Variants in PVT1 observed in about 807,000 individuals in gnomAD.
PVT1 encodes the protein Pvt1 oncogene, also known as CXCR4/PVT1 fusion.
At chr8:127,833,982 A>G (rs965019438) in intron 2 of PVT1, among the ~76,000 whole-genome samples, 1 of 152,142 alleles carries the variant, frequency 6.6e-6, no homozygotes, top group Non-Finnish European at 1.5e-5. Context: ...CACAGGTGAC[A>G]CTGAAGTTGA....
intron 4 of PVT1, among the ~76,000 whole-genome samples, chr8:128,014,137 T>G (rs551479223): frequency 6.6e-6 from 1 of 152,342 alleles, no homozygotes; most frequent in East Asian, 1.9e-4. Flanking sequence ...CTCTGTTTCG[T>G]CAAGGTGAGG....
chr8:127,986,588 T>C (rs1187461638), intron 3 of PVT1, among the ~76,000 whole-genome samples: 1 of 152,186 alleles, frequency 6.6e-6, no homozygotes, highest in African/African-American at 2.4e-5. Flanking sequence ...TCACTCCCTG[T>C]TTCTCCCACC....
chr8:127,918,376 C>T (rs1324722044), intron 3 of PVT1, among the ~76,000 whole-genome samples: 4 of 152,180 alleles, frequency 2.6e-5, no homozygotes, highest in Admixed American at 6.5e-5. Context: ...AGCTCCTCCA[C>T]GGACTTGCTC....
At chr8:128,073,706 A>G (rs1814029196) in intron 5 of PVT1, among the ~76,000 whole-genome samples, 1 of 152,134 alleles carries the variant, frequency 6.6e-6, no homozygotes, top group Non-Finnish European at 1.5e-5. Context: ...TCACACAGGC[A>G]GTTGCAGATA....
At chr8:128,037,805 A>G (rs1813483182) in intron 4 of PVT1, among the ~76,000 whole-genome samples, 1 of 152,178 alleles carries the variant, frequency 6.6e-6, no homozygotes, top group African/African-American at 2.4e-5. Context: ...CATTTAGTTC[A>G]GTGCCTTTCC....
At chr8:127,893,810 C>T (rs2129810020) in intron 3 of PVT1, among the ~76,000 whole-genome samples, 1 of 152,242 alleles carries the variant, frequency 6.6e-6, no homozygotes, top group East Asian at 1.9e-4. Context: ...GTGAAAGGGG[C>T]ACTGTATCAC....
chr8:128,024,396 G>A (rs1056723111), intron 4 of PVT1, among the ~76,000 whole-genome samples: 2 of 152,190 alleles, frequency 1.3e-5, no homozygotes, highest in African/African-American at 4.8e-5. Flanking sequence ...GCCAAGGCAG[G>A]TGGATGGTTT....
intron 3 of PVT1, among the ~76,000 whole-genome samples, chr8:127,927,351 A>G (rs556849845): frequency 2.2e-4 from 34 of 152,290 alleles, no homozygotes; most frequent in African/African-American, 7.7e-4. Flanking sequence ...GATAGTTGTC[A>G]TCACCCATCC....
chr8:127,993,992 G>A (rs1353395301), intron 4 of PVT1, among the ~76,000 whole-genome samples: 1 of 152,186 alleles, frequency 6.6e-6, no homozygotes, highest in African/African-American at 2.4e-5. Context: ...TGGAGCAATT[G>A]CATTGCTTGA....
chr8:128,070,632 G>T (rs925270403), intron 5 of PVT1, among the ~76,000 whole-genome samples: 1 of 152,034 alleles, frequency 6.6e-6, no homozygotes, highest in African/African-American at 2.4e-5. Context: ...GAAGCATCAG[G>T]CAGGAAAAAA....
chr8:127,917,810 C>T (rs1363362908), intron 3 of PVT1, among the ~76,000 whole-genome samples: 3 of 152,224 alleles, frequency 2.0e-5, no homozygotes, highest in Admixed American at 6.5e-5. Context: ...CCTCTCTGTC[C>T]GGTTAGTCAG....
chr8:127,900,181 G>A (rs1815740869), intron 3 of PVT1, among the ~76,000 whole-genome samples: 1 of 151,900 alleles, frequency 6.6e-6, no homozygotes, highest in African/African-American at 2.4e-5. Context: ...AGCTGGGACT[G>A]CAGGCGCGTA....
chr8:127,814,171 T>TA (rs1278308290), intron 2 of PVT1, among the ~76,000 whole-genome samples: 1 of 152,198 alleles, frequency 6.6e-6, no homozygotes, highest in Non-Finnish European at 1.5e-5. Context: ...GACGTGAGAA[T>TA]AGAGAGATTT....
chr8:127,892,719 C>T (rs1194508184), intron 3 of PVT1, among the ~76,000 whole-genome samples: 1 of 152,074 alleles, frequency 6.6e-6, no homozygotes, highest in East Asian at 1.9e-4. Flanking sequence ...GCAGCAGGTG[C>T]TGGGCTGTGC....
At chr8:127,823,359 G>A (rs1005310757) in intron 2 of PVT1, among the ~76,000 whole-genome samples, 4 of 152,162 alleles carry the variant, frequency 2.6e-5, no homozygotes, top group African/African-American at 9.7e-5. Flanking sequence ...TGAAACTCCT[G>A]CTTTTGATAT....
intron 4 of PVT1, among the ~76,000 whole-genome samples, chr8:127,996,016 C>T (rs962490683): frequency 2.0e-5 from 3 of 152,080 alleles, no homozygotes; most frequent in African/African-American, 7.2e-5. Context: ...CAACATACCT[C>T]TTATTGCCAT....
intron 4 of PVT1, chr8:127,998,059 G>T (rs938485013): frequency 6.6e-6 from 1 of 152,242 alleles, no homozygotes; most frequent in Non-Finnish European, 1.5e-5. Flanking sequence ...TGAAATCAAG[G>T]GTAGGCACCA....
intron 2 of PVT1, among the ~76,000 whole-genome samples, chr8:127,869,337 C>T (rs1283750640): frequency 6.6e-6 from 1 of 151,868 alleles, no homozygotes; most frequent in Non-Finnish European, 1.5e-5. Context: ...CATCATGTTG[C>T]CCAGGCTGGT....
chr8:127,862,791 A>G (rs1815242231), intron 2 of PVT1, among the ~76,000 whole-genome samples: 2 of 152,102 alleles, frequency 1.3e-5, no homozygotes, highest in Admixed American at 1.3e-4. Flanking sequence ...CCAGCTTTTC[A>G]TGTTTATGGC....
Sources: allele counts gnomAD v4.1 joint callset (sites outside exome capture counted in the v4.1 genomes callset), GRCh38; gene constraint gnomAD v4.1.1; transcripts MANE v1.5; gene names NCBI Gene and HGNC (gene_info 2026-07-23, HGNC 2026-07-21).